The following CSNK2A1 variants were observed in gnomAD, a reference collection of about 807,000 sequenced individuals.
The protein encoded by CSNK2A1 is casein kinase II subunit alpha.
CSNK2A1 carries 10 observed loss-of-function variants against 62.9 expected under a neutral mutation model. That is an observed-to-expected ratio of 0.16 (90% CI 0.10 to 0.27). CSNK2A1 has a LOEUF of 0.27. Among genes scored for constraint, CSNK2A1 ranks in the 10% least tolerant of loss-of-function variants. CSNK2A1 has a pLI of 1.00. For missense variants in CSNK2A1, 160 were observed against 492.0 expected, an observed-to-expected ratio of 0.33 and a Z score of 6.38; for synonymous variants, 124 against 167.8, an observed-to-expected ratio of 0.74 and a Z score of 2.02.
chr20:543,664 C>G lies in CSNK2A1; in HGVS notation c.-227+8G>C. On this transcript the variant is annotated splice_region_variant and intron_variant, in intron 1 of 13. Coordinates refer to ENST00000217244, the MANE Select transcript of CSNK2A1 (RefSeq NM_177559.3). ...GCCAACGACCTCGCCTGGCTGCTCC[C>G]TAGGTACCTGTGGTGGAAGCGGCAG... 1 of 398,164 alleles carries G rather than the reference C, an allele frequency of 2.5e-6. No homozygotes were observed. The highest frequency in any genetic ancestry group is 4.4e-6 in the Non-Finnish European group (1 of 226,070). 24.7% of individuals were successfully genotyped at this position (398,164 alleles called of 1,614,324 possible).
At chr20:487,391 C>T in intron 12 of CSNK2A1, 36 bp downstream of exon 12, 1 of 1,612,550 alleles carries the variant, frequency 6.2e-7, no homozygotes, top group Non-Finnish European at 8.5e-7. Context: ...GACTCTGCGC[C>T]TGCACAAACT....
Position 499,845 on chromosome 20 carries a change from T to A in CSNK2A1, c.303A>T (p.Val101=). The part of the protein sequence containing the change: ...GPNIITLADI[V]KDPVSRTPAL... ...CTACTATACTCACCACAGGGTCTTT[T>A]ACAATGTCTGCCAGTGTGATGATGT... Residue 101 remains valine, a synonymous_variant, in exon 5 of 14, where the codon GTA becomes GTT. Coordinates refer to ENST00000217244, the MANE Select transcript of CSNK2A1 (RefSeq NM_177559.3). The surrounding 1 kb of genome is among the most constrained non-coding windows in gnomAD (Gnocchi z 4.2). 1 of 1,613,782 alleles carries A rather than the reference T, an allele frequency of 6.2e-7. No individual in the cohort carries two copies. Among genetic ancestry groups the A allele is most frequent in the South Asian group, 1.1e-5 (1 of 91,060 alleles).
At chr20:514,579 C>T (rs1350691336) in intron 2 of CSNK2A1, among the ~76,000 whole-genome samples, 1 of 151,882 alleles carries the variant, frequency 6.6e-6, no homozygotes, top group African/African-American at 2.4e-5. Context: ...GTAGTTGGGA[C>T]TATAGCTATG....
chr20:542,612 T>C (rs2019475460), intron 1 of CSNK2A1, among the ~76,000 whole-genome samples: 1 of 151,932 alleles, frequency 6.6e-6, no homozygotes, highest in Admixed American at 6.6e-5. Flanking sequence ...TTTGCATTTT[T>C]AGTACAGACG....
At chr20:543,469 C>T (rs537886065) in intron 1 of CSNK2A1, among the ~76,000 whole-genome samples, 1 of 152,284 alleles carries the variant, frequency 6.6e-6, no homozygotes, top group South Asian at 2.1e-4. Flanking sequence ...CCCCAAACCT[C>T]GCCCTCCGCC....
chr20:488,535 T>G (rs144288682), intron 11 of CSNK2A1, 143 bp downstream of exon 11: 23 of 762,938 alleles, frequency 3.0e-5, no homozygotes, highest in African/African-American at 2.8e-4. Context: ...AGAGGCCTGC[T>G]CAATGCAGCA....
At chr20:514,508 C>G (rs184805396) in intron 2 of CSNK2A1, among the ~76,000 whole-genome samples, 1 of 152,068 alleles carries the variant, frequency 6.6e-6, no homozygotes, top group East Asian at 1.9e-4. Flanking sequence ...TCTCGCTCGG[C>G]TCACTGAAAC....
chr20:509,100 C>G (rs1350524339), intron 2 of CSNK2A1, among the ~76,000 whole-genome samples: 1 of 152,166 alleles, frequency 6.6e-6, no homozygotes, highest in Non-Finnish European at 1.5e-5. Flanking sequence ...GTACAACTTG[C>G]CATTCTGACT....
chr20:525,255 T>C (rs1326711526), intron 2 of CSNK2A1, among the ~76,000 whole-genome samples: 1 of 151,806 alleles, frequency 6.6e-6, no homozygotes, highest in Non-Finnish European at 1.5e-5. Flanking sequence ...CTCATGCCTG[T>C]AATCCCAGCA....
At chr20:515,030 T>C (rs566328837) in intron 2 of CSNK2A1, among the ~76,000 whole-genome samples, 80 of 152,260 alleles carry the variant, frequency 5.3e-4, no homozygotes, top group African/African-American at 1.8e-3. Flanking sequence ...CAGAAATTCA[T>C]TGAAAAGTTT....
chr20:487,695 C>G lies in CSNK2A1; in HGVS notation c.825-120G>C, dbSNP rs2122506876. The G allele has an allele frequency of 5.8e-6, 8 of 1,391,288 alleles. No individual in the cohort carries two copies. The South Asian group carries it at 6.5e-5, about 11-fold the overall frequency. 86.2% of individuals were successfully genotyped at this position (1,391,288 alleles called of 1,614,324 possible). On this transcript the variant is annotated intron_variant, in intron 11 of 13. Transcript: ENST00000217244. ...ACAAAAGCAAAGAGGGATCCAAACT[C>G]AAGAGGGTAGTCTTGCACCGCTCTG...
intron 1 of CSNK2A1, among the ~76,000 whole-genome samples, chr20:535,363 T>A (rs538853663): frequency 5.8e-4 from 89 of 152,368 alleles, no homozygotes; most frequent in African/African-American, 2.0e-3. Flanking sequence ...CATGCTTGAA[T>A]ACTTAATTGC....
At chr20:507,118 T>A (rs2018619953) in intron 3 of CSNK2A1, 1 of 152,038 alleles carries the variant, frequency 6.6e-6, no homozygotes, top group South Asian at 2.1e-4. Flanking sequence ...TCAAATTAGC[T>A]GGGTAGGGTG....
chr20:515,181 T>C (rs989818904), intron 2 of CSNK2A1, among the ~76,000 whole-genome samples: 2 of 152,108 alleles, frequency 1.3e-5, no homozygotes, highest in Non-Finnish European at 2.9e-5. Context: ...TGGAGATCAG[T>C]GGACTAATAT....
At chr20:528,594 C>CT (rs11475071) in intron 1 of CSNK2A1, among the ~76,000 whole-genome samples, 2 of 151,656 alleles carry the variant, frequency 1.3e-5, no homozygotes, top group African/African-American at 2.4e-5. Flanking sequence ...TAAATTTTTT[C>CT]TTTTTTTTCT....
chr20:519,090 CA>C (rs1232274248), intron 2 of CSNK2A1, among the ~76,000 whole-genome samples: 1 of 151,960 alleles, frequency 6.6e-6, no homozygotes, highest in African/African-American at 2.4e-5. Flanking sequence ...TGCATGCCAC[CA>C]TGCCCGGCTA....
rs1485934258 is a variant in CSNK2A1 at position 482,203 on chromosome 20, A to T, written c.*1758T>A. The T allele has an allele frequency of 6.6e-6, 1 of 152,224 alleles. No homozygotes were observed. Among genetic ancestry groups the T allele is most frequent in the Non-Finnish European group, 1.5e-5 (1 of 68,036 alleles). 9.4% of individuals were successfully genotyped at this position (152,224 alleles called of 1,614,324 possible). A position where few individuals can be genotyped will look rare whatever the true frequency, so the allele number is the denominator to read the frequency against. Reference sequence around the variant, plus strand: ...AGAAAGGCCTGTGAATCTATAAGGTAGGAGAATGGGGAACTAAGATTTTAG... The same window carrying T: ...AGAAAGGCCTGTGAATCTATAAGGTTGGAGAATGGGGAACTAAGATTTTAG... On this transcript the variant is annotated 3_prime_UTR_variant, in exon 14 of 14. Transcript: ENST00000217244.
In CSNK2A1 at chr20:499,230, C is replaced by T. The variant is rs758471591; in HGVS notation, c.366+25G>A. 34 of 1,573,992 alleles carry T rather than the reference C, an allele frequency of 2.2e-5. No homozygotes were observed. Among genetic ancestry groups the T allele is most frequent in the Middle Eastern group, 1.7e-4 (1 of 5,988 alleles). Reference sequence around the variant, plus strand: ...TATGTGGTCTAAAAACCCACTAGCCCGAAACAGTTGGTTATATATTATACC... The same window carrying T: ...TATGTGGTCTAAAAACCCACTAGCCTGAAACAGTTGGTTATATATTATACC... On this transcript the variant is annotated intron_variant, in intron 6 of 13. Transcript: ENST00000217244. The surrounding 1 kb of genome is among the most constrained non-coding windows in gnomAD (Gnocchi z 4.2).
In CSNK2A1 at chr20:475,154, AAAACAAGT is replaced by A. The variant is rs1437601708; in HGVS notation, c.*8799_*8806del. ...ACTGATTCTCAATTTTTGTTGCTTG[AAAACAAGT>A]AAACAAGTATTCTCAGCCGGGCACG... On this transcript the variant is annotated 3_prime_UTR_variant, in exon 14 of 14. Transcript: ENST00000217244. 1 of 152,208 alleles carries A rather than the reference AAAACAAGT, an allele frequency of 6.6e-6. No individual in the cohort carries two copies. Among genetic ancestry groups the A allele is most frequent in the African/African-American group, 2.4e-5 (1 of 41,444 alleles). The allele number at this position is 152,208 out of a possible 1,614,324, so 9.4% of individuals were successfully genotyped here.
Sources: allele counts gnomAD v4.1 joint callset (sites outside exome capture counted in the v4.1 genomes callset), GRCh38; gene constraint gnomAD v4.1.1; non-coding constraint Gnocchi (gnomAD v3.1); transcripts MANE v1.5; gene names NCBI Gene and HGNC (gene_info 2026-07-23, HGNC 2026-07-21).